Variants in PARD3B observed in about 807,000 individuals in gnomAD.
The protein encoded by PARD3B is par-3 family cell polarity regulator beta, also known as partitioning defective 3 homolog B.
Under a neutral mutation model 130.2 loss-of-function variants are expected in PARD3B, and 103 were observed. That is an observed-to-expected ratio of 0.79 (90% confidence interval 0.67 to 0.93). PARD3B has a LOEUF of 0.93. Ranked by LOEUF, PARD3B falls within the 40% of genes least tolerant of loss-of-function variation. The probability of loss-of-function intolerance (pLI) is 0.00; values close to 1 mark genes in which losing one functional copy is unlikely to be tolerated. For missense variants in PARD3B, 1,609 were observed against 1,499.2 expected (o/e 1.07, Z -1.21); for synonymous variants, 583 against 553.2 (o/e 1.05, Z -0.76).
chr2:205,422,161 A>C (rs900908053), intron 19 of PARD3B, among the ~76,000 whole-genome samples: 1 of 152,214 alleles, frequency 6.6e-6, no homozygotes, highest in Non-Finnish European at 1.5e-5. Context: ...ATTCAATCTC[A>C]GCGATGAGCC....
intron 2 of PARD3B, among the ~76,000 whole-genome samples, chr2:204,927,486 A>T (rs907983588): frequency 1.3e-5 from 2 of 152,124 alleles, no homozygotes; most frequent in Non-Finnish European, 2.9e-5. Flanking sequence ...AAATAAATTT[A>T]TGTTGTTCCT....
Position 205,440,432 on chromosome 2 carries a change from C to T in PARD3B, c.2804C>T (p.Thr935Ile), listed in dbSNP as rs10185378. 106,242 of 1,613,938 alleles carry T rather than the reference C, an allele frequency of 0.066. 4,312 individuals carry two copies. The highest frequency in any genetic ancestry group is 0.18 in the African/African-American group (13,764 of 74,992). The change falls in exon 20 of 23, where the codon ACT (threonine) becomes ATT (isoleucine). Residue 935 changes from threonine (T) to isoleucine (I), a missense_variant. By Grantham distance (89) the Thr-to-Ile change is moderately conservative (BLOSUM62 -1). Transcript: ENST00000406610. This position sits in a 1 kb window ranked among gnomAD's most constrained non-coding sequence, Gnocchi z 4.2. ...KQARGLLDYA[T>I]GAIGSVYDMD... is the part of the protein sequence containing the mutation. ...GCAAGAGGTCTTCTTGATTATGCTA[C>T]TGGTGCAATTGGATCAGTGTATGAT...
At chr2:205,612,771 A>G (rs1420158258) in intron 22 of PARD3B, among the ~76,000 whole-genome samples, 1 of 152,188 alleles carries the variant, frequency 6.6e-6, no homozygotes, top group African/African-American at 2.4e-5. Context: ...GCCACATACA[A>G]GCAAACTCCC....
intron 21 of PARD3B, among the ~76,000 whole-genome samples, chr2:205,517,532 T>C (rs1375485044): frequency 6.6e-6 from 1 of 152,166 alleles, no homozygotes; most frequent in Non-Finnish European, 1.5e-5. Context: ...AAAAAACAAC[T>C]TCTGGAATCA....
chr2:204,638,463 C>A (rs977557585), intron 1 of PARD3B, among the ~76,000 whole-genome samples: 2 of 152,188 alleles, frequency 1.3e-5, no homozygotes, highest in African/African-American at 4.8e-5. Context: ...GATTTTCACA[C>A]ATTGTGTATT....
rs143190971 is a variant in PARD3B, at chr2:205,374,475, C to T, written c.2631-26538C>T. ...GTCTTGAACCCCTGACCTCATGATC[C>T]GCCTGCCTCAGCCTCCCAAAGTGCT... On this transcript the variant is annotated intron_variant, in intron 18 of 22. Coordinates refer to ENST00000406610, the MANE Select transcript of PARD3B (RefSeq NM_001302769.2). 1.9e-3 allele frequency among the ~76,000 whole-genome samples: 286 copies of T among 152,200 alleles called. 1 individual carries two copies. The highest frequency in any genetic ancestry group is 6.5e-3 in the African/African-American group (270 of 41,528).
At chr2:205,212,217 CG>C (rs374025192) in intron 15 of PARD3B, among the ~76,000 whole-genome samples, 1 of 151,950 alleles carries the variant, frequency 6.6e-6, no homozygotes, top group Non-Finnish European at 1.5e-5. Flanking sequence ...AACAGATTGG[CG>C]GTTTTAGTAG....
At chr2:204,951,532 A>T (rs1235243200) in intron 2 of PARD3B, among the ~76,000 whole-genome samples, 4 of 152,174 alleles carry the variant, frequency 2.6e-5, no homozygotes, top group Non-Finnish European at 5.9e-5. Flanking sequence ...TTCTGGGTGC[A>T]TATTTTTAAG....
Position 204,924,304 on chromosome 2 carries a change from A to G in PARD3B, c.223-40848A>G, listed in dbSNP as rs111918164. ...TCTTCTTCATGCTGTTAGAATGTTA[A>G]GAGAATGAAATCTTCCCATTCATTT... On this transcript the variant is annotated intron_variant, in intron 2 of 22. Coordinates refer to ENST00000406610, the MANE Select transcript of PARD3B (RefSeq NM_001302769.2). Among the ~76,000 whole-genome samples, 6 of 152,246 alleles carry G rather than the reference A, an allele frequency of 3.9e-5. 1 individual carries two copies. Among genetic ancestry groups the G allele is most frequent in the African/African-American group, 1.4e-4 (6 of 41,572 alleles).
At chr2:204,575,406 G>T (rs537227090) in intron 1 of PARD3B, among the ~76,000 whole-genome samples, 6 of 152,156 alleles carry the variant, frequency 3.9e-5, no homozygotes, top group Admixed American at 6.5e-5. Context: ...TATTTAAATA[G>T]TTCAGAAAAT....
chr2:204,631,765 G>A (rs2034688669), intron 1 of PARD3B, among the ~76,000 whole-genome samples: 1 of 152,028 alleles, frequency 6.6e-6, no homozygotes. Context: ...CATATTTAAT[G>A]CTTCCTTCAG....
At chr2:204,880,003 A>C (rs2125666661) in intron 2 of PARD3B, among the ~76,000 whole-genome samples, 1 of 152,268 alleles carries the variant, frequency 6.6e-6, no homozygotes, top group East Asian at 1.9e-4. Context: ...TTGTTTTATT[A>C]AGTGTGAAAT....
intron 22 of PARD3B, among the ~76,000 whole-genome samples, chr2:205,587,059 C>T (rs1431877683): frequency 2.0e-5 from 3 of 152,188 alleles, no homozygotes; most frequent in African/African-American, 7.2e-5. Flanking sequence ...GTAAGCTTCA[C>T]ATTGGCGTGT....
chr2:204,852,294 C>T (rs938723063), intron 2 of PARD3B, among the ~76,000 whole-genome samples: 1 of 151,560 alleles, frequency 6.6e-6, no homozygotes, highest in Non-Finnish European at 1.5e-5. Flanking sequence ...GGAAATACTG[C>T]GTATATATTT....
chr2:204,998,322 A>G (rs1694428323), intron 3 of PARD3B, among the ~76,000 whole-genome samples: 2 of 30,674 alleles, frequency 6.5e-5, no homozygotes, highest in African/African-American at 2.9e-4. Flanking sequence ...GTATATATAT[A>G]TATATATATA....
At position 204,729,207 on chromosome 2, in the gene PARD3B, C is replaced by T. The variant is rs138385922; in HGVS notation, c.222+42925C>T. ...CAACTGTGTGTTTGTGACTGCTGTT[C>T]GCCAATCTTCATGGATTATTGAAAT... On this transcript the variant is annotated intron_variant, in intron 2 of 22. Transcript: ENST00000406610. Among the ~76,000 whole-genome samples the T allele has an allele frequency of 1.4e-3, 208 of 152,284 alleles. 1 individual carries two copies. The highest frequency in any genetic ancestry group is 0.013 in the East Asian group (65 of 5,182).
intron 2 of PARD3B, among the ~76,000 whole-genome samples, chr2:204,699,709 G>A (rs1442709777): frequency 6.6e-6 from 1 of 151,958 alleles, no homozygotes. Context: ...TGTTTGGGGA[G>A]GCTCCATGTC....
At chr2:204,596,633 T>A (rs1471283051) in intron 1 of PARD3B, among the ~76,000 whole-genome samples, 1 of 152,148 alleles carries the variant, frequency 6.6e-6, no homozygotes, top group Admixed American at 6.5e-5. Flanking sequence ...TAATCTTTCA[T>A]GTAAGCTAAA....
At chr2:204,919,496 TATATG>T (rs2047581572) in intron 2 of PARD3B, among the ~76,000 whole-genome samples, 1 of 152,122 alleles carries the variant, frequency 6.6e-6, no homozygotes, top group Admixed American at 6.5e-5. Flanking sequence ...TAAGTGAAAT[TATATG>T]GTATGTATTC....
Sources: gnomAD v4.1 joint callset for allele counts (sites outside exome capture counted in the v4.1 genomes callset) on GRCh38, gnomAD v4.1.1 for gene constraint, Gnocchi (gnomAD v3.1) non-coding constraint, MANE v1.5 for transcripts, NCBI Gene and HGNC (gene_info 2026-07-23, HGNC 2026-07-21) for gene names.